CACNG2: variants seen among roughly 807,000 people sequenced by gnomAD.
CACNG2 encodes calcium voltage-gated channel auxiliary subunit gamma 2, also known as voltage-dependent calcium channel gamma-2 subunit.
A neutral mutation model predicts 25.9 loss-of-function variants in CACNG2; 3 were observed. That is an observed-to-expected ratio of 0.12 (90% CI 0.05 to 0.30). The LOEUF (loss-of-function observed/expected upper bound fraction) is 0.30. Ranked by LOEUF, CACNG2 falls within the 10% of genes least tolerant of loss-of-function variation. The probability of loss-of-function intolerance (pLI) is 1.00; values close to 1 mark genes in which losing one functional copy is unlikely to be tolerated. For missense variants in CACNG2, 341 were observed against 432.5 expected (o/e 0.79, Z 1.88); for synonymous variants, 167 against 173.3 (o/e 0.96, Z 0.29).
Position 36,702,558 on chromosome 22 carries a change from C to A in CACNG2, c.19G>T (p.Gly7Cys). ...ACGGTGGTTAAAAGCATTTGAACACCTCGATCAAACAGCCCCATAATTCTT... is the reference window on the plus strand; with the variant it reads ...ACGGTGGTTAAAAGCATTTGAACACATCGATCAAACAGCCCCATAATTCTT... MGLFDR[G>C]VQMLLTTVGA... Residue 7 changes from glycine to cysteine, a missense_variant, in exon 1 of 4, where the codon GGT becomes TGT. Transcript: ENST00000300105. The A allele has an allele frequency of 6.2e-7, 1 of 1,613,808 alleles. No individual in the cohort carries two copies. The highest frequency in any genetic ancestry group is 8.5e-7 in the Non-Finnish European group (1 of 1,179,792).
Position 36,562,381 on chromosome 22 carries a change from A to T in CACNG2, c.*1970T>A, listed in dbSNP as rs1935042916. 6.6e-6 allele frequency: 1 copy of T among 151,878 alleles called. No individual in the cohort carries two copies. Among genetic ancestry groups the T allele is most frequent in the African/African-American group, 2.4e-5 (1 of 41,334 alleles). The allele number at this position is 151,878 out of a possible 1,614,324, so 9.4% of individuals were successfully genotyped here. ...CAATCCACATGCTTACATGGGGGGA[A>T]AATTAAGGCCCAGAGAGGCCATGCA... On this transcript the variant is annotated 3_prime_UTR_variant, in exon 4 of 4. Transcript: ENST00000300105.
rs1213751618 is a variant in CACNG2, at chr22:36,606,714, AG to A, written c.212-19167del. On this transcript the variant is annotated intron_variant, in intron 1 of 3. Transcript: ENST00000300105. The surrounding 1 kb of genome is among the most constrained non-coding windows in gnomAD (Gnocchi z 5.7). ...AGAGAGAGGACAGGATGCTGAAGCC[AG>A]AAGTGTCATTTAGAGGACGGAAACC... 1.3e-5 allele frequency among the ~76,000 whole-genome samples: 2 copies of A among 152,048 alleles called. No individual in the cohort carries two copies. The highest frequency in any genetic ancestry group is 3.8e-4 in the East Asian group (2 of 5,196).
Position 36,606,037 on chromosome 22 carries a change from T to G in CACNG2, c.212-18489A>C, listed in dbSNP as rs79699049. 3.8e-3 allele frequency among the ~76,000 whole-genome samples: 574 copies of G among 152,332 alleles called. 4 individuals carry two copies. The highest frequency in any genetic ancestry group is 0.013 in the African/African-American group (533 of 41,576). On this transcript the variant is annotated intron_variant, in intron 1 of 3. Coordinates refer to ENST00000300105, the MANE Select transcript of CACNG2 (RefSeq NM_006078.5). This position sits in a 1 kb window ranked among gnomAD's most constrained non-coding sequence, Gnocchi z 5.7. Reference sequence around the variant, plus strand: ...CGCAGGAGAGCGTGGGTCTGAGTTCTCTTTCTGCCGTGTATTAACCATGTG... The same window carrying G: ...CGCAGGAGAGCGTGGGTCTGAGTTCGCTTTCTGCCGTGTATTAACCATGTG...
intron 1 of CACNG2, among the ~76,000 whole-genome samples, chr22:36,651,162 C>T (rs969402970): frequency 6.7e-6 from 1 of 150,244 alleles, no homozygotes; most frequent in Non-Finnish European, 1.5e-5. Flanking sequence ...CTAAAAGAAC[C>T]TTGTAGTTGG....
chr22:36,606,744 C>T lies in CACNG2; in HGVS notation c.212-19196G>A, dbSNP rs1471705971. ...TGTCATTTAGAGGACGGAAACCAGA[C>T]GGTTGGGCTGTGCGTGTGTGTGTGT... On this transcript the variant is annotated intron_variant, in intron 1 of 3. Coordinates refer to ENST00000300105, the MANE Select transcript of CACNG2 (RefSeq NM_006078.5). This position sits in a 1 kb window ranked among gnomAD's most constrained non-coding sequence, Gnocchi z 5.7. Among the ~76,000 whole-genome samples the T allele has an allele frequency of 4.0e-5, 6 of 149,092 alleles. No homozygotes were observed. The highest frequency in any genetic ancestry group is 2.2e-4 in the South Asian group (1 of 4,608).
At chr22:36,645,536 C>CAAAAAAAAAAA (rs200600420) in intron 1 of CACNG2, among the ~76,000 whole-genome samples, 73 of 134,834 alleles carry the variant, frequency 5.4e-4, no homozygotes, top group African/African-American at 1.8e-3. Flanking sequence ...GACTCTGTCT[C>CAAAAAAAAAAA]AAAAAAAAAA....
intron 1 of CACNG2, among the ~76,000 whole-genome samples, chr22:36,681,029 A>G (rs369170680): frequency 6.6e-6 from 1 of 152,194 alleles, no homozygotes; most frequent in Non-Finnish European, 1.5e-5. Flanking sequence ...AAACAGAAAA[A>G]TTATTCTTTT....
chr22:36,610,086 TC>T (rs978281713), intron 1 of CACNG2, among the ~76,000 whole-genome samples: 2 of 142,286 alleles, frequency 1.4e-5, no homozygotes, highest in Non-Finnish European at 3.0e-5. Flanking sequence ...GAGGAATAAG[TC>T]CCCCAGTGTG....
rs1455163369 is a variant in CACNG2, at chr22:36,606,373, A to G, written c.212-18825T>C. On this transcript the variant is annotated intron_variant, in intron 1 of 3. Coordinates refer to ENST00000300105, the MANE Select transcript of CACNG2 (RefSeq NM_006078.5). This position sits in a 1 kb window ranked among gnomAD's most constrained non-coding sequence, Gnocchi z 5.7. ...TGAGGTGGACGCTATTAGTCTCCGTACATTAGAGATATGGAAGTGGAGGGA... is the reference window on the plus strand; with the variant it reads ...TGAGGTGGACGCTATTAGTCTCCGTGCATTAGAGATATGGAAGTGGAGGGA... Among the ~76,000 whole-genome samples, 3 of 152,202 alleles carry G rather than the reference A, an allele frequency of 2.0e-5. No individual in the cohort carries two copies. The highest frequency in any genetic ancestry group is 7.2e-5 in the African/African-American group (3 of 41,446).
chr22:36,693,014 T>C (rs570596590), intron 1 of CACNG2, among the ~76,000 whole-genome samples: 9 of 152,128 alleles, frequency 5.9e-5, no homozygotes, highest in South Asian at 4.1e-4. Context: ...AGCATGGTGG[T>C]GTGCGCCTGT....
chr22:36,649,169 C>G (rs532017940), intron 1 of CACNG2, among the ~76,000 whole-genome samples: 2 of 152,222 alleles, frequency 1.3e-5, no homozygotes, highest in African/African-American at 4.8e-5. Context: ...CAATCTCCCC[C>G]GGCCTCAATC....
At chr22:36,567,883 C>T (rs895900306) in intron 2 of CACNG2, among the ~76,000 whole-genome samples, 1 of 151,944 alleles carries the variant, frequency 6.6e-6, no homozygotes, top group Non-Finnish European at 1.5e-5. Context: ...GGAGTCTTCC[C>T]CTGTCACCCA....
At chr22:36,628,101 A>C (rs1401092227) in intron 1 of CACNG2, among the ~76,000 whole-genome samples, 1 of 152,224 alleles carries the variant, frequency 6.6e-6, no homozygotes, top group Non-Finnish European at 1.5e-5. Flanking sequence ...CTAGGCGAGA[A>C]CGTTATGAAT....
intron 1 of CACNG2, among the ~76,000 whole-genome samples, chr22:36,655,736 C>CCTT (rs1555899202): frequency 0.054 from 7,650 of 141,790 alleles, 739 homozygotes; most frequent in African/African-American, 0.2. Flanking sequence ...TTCTTTCTTT[C>CCTT]TCTTCCTTTC....
At chr22:36,644,129 AG>A (rs1936484437) in intron 1 of CACNG2, among the ~76,000 whole-genome samples, 1 of 152,206 alleles carries the variant, frequency 6.6e-6, no homozygotes, top group South Asian at 2.1e-4. Flanking sequence ...ATGCAACGGG[AG>A]GACTAAATAT....
intron 1 of CACNG2, among the ~76,000 whole-genome samples, chr22:36,681,201 C>T (rs2146003891): frequency 6.6e-6 from 1 of 152,152 alleles, no homozygotes; most frequent in Admixed American, 6.5e-5. Flanking sequence ...TGTCTTCATC[C>T]CTCCACCTTC....
At chr22:36,674,455 G>A (rs1008208830) in intron 1 of CACNG2, among the ~76,000 whole-genome samples, 1 of 151,908 alleles carries the variant, frequency 6.6e-6, no homozygotes, top group Non-Finnish European at 1.5e-5. Flanking sequence ...CAGCCTCCTG[G>A]GTAGCTGGGA....
At chr22:36,594,457 G>A (rs1935642094) in intron 1 of CACNG2, among the ~76,000 whole-genome samples, 1 of 152,220 alleles carries the variant, frequency 6.6e-6, no homozygotes, top group African/African-American at 2.4e-5. Flanking sequence ...CTGTCCTCAA[G>A]GAACTTGCAG....
At chr22:36,654,902 T>A (rs1309691554) in intron 1 of CACNG2, among the ~76,000 whole-genome samples, 3 of 152,128 alleles carry the variant, frequency 2.0e-5, no homozygotes, top group African/African-American at 7.2e-5. Context: ...CAAACTGGTG[T>A]CCGAATCTTT....
Sources: allele counts gnomAD v4.1 joint callset (sites outside exome capture counted in the v4.1 genomes callset), GRCh38; gene constraint gnomAD v4.1.1; non-coding constraint Gnocchi (gnomAD v3.1); transcripts MANE v1.5; gene names NCBI Gene and HGNC (gene_info 2026-07-23, HGNC 2026-07-21).